Variants in SNX25 observed in about 807,000 individuals in gnomAD.
SNX25 encodes the protein sorting nexin-25.
SNX25 carries 62 observed loss-of-function variants against 113.7 expected under a neutral mutation model. That is an observed-to-expected ratio of 0.55 (90% CI 0.44 to 0.67). The LOEUF (loss-of-function observed/expected upper bound fraction) is 0.67, where lower values mean the gene tolerates loss of function less well. Ranked by LOEUF, SNX25 falls within the 30% of genes least tolerant of loss-of-function variation. The pLI, the probability that SNX25 is intolerant of heterozygous loss-of-function variation, is 0.00. For missense variants in SNX25, 1,014 were observed against 1,161.0 expected (o/e 0.87, Z 1.84); for synonymous variants, 421 against 436.2 (o/e 0.97, Z 0.43).
chr4:185,220,656 A>G (rs575352723), intron 1 of SNX25, among the ~76,000 whole-genome samples: 22 of 151,760 alleles, frequency 1.4e-4, no homozygotes, highest in South Asian at 8.3e-4. Context: ...AAATTTTTGT[A>G]TTTTTAGTAG....
chr4:185,355,641 T>C (rs2095335532), intron 15 of SNX25, among the ~76,000 whole-genome samples: 1 of 152,252 alleles, frequency 6.6e-6, no homozygotes, highest in African/African-American at 2.4e-5. Context: ...TGATGGAATA[T>C]CATCCACATA....
chr4:185,363,417 T>G lies in SNX25; in HGVS notation c.2967T>G (p.Cys989Trp). 2 of 1,614,186 alleles carry G rather than the reference T, an allele frequency of 1.2e-6. No individual in the cohort carries two copies. The highest frequency in any genetic ancestry group is 1.7e-6 in the Non-Finnish European group (2 of 1,180,022). ...ALMELLLIEL[C>W]PELRVHLDQL... ...TGGAACTGCTGCTAATTGAACTGTG[T>G]CCTGAGCTGAGAGTTCATTTAGATC... The change falls in exon 19 of 19, where the codon TGT (cysteine) becomes TGG (tryptophan). Residue 989 changes from cysteine to tryptophan, a missense_variant. Cys to Trp is a radical substitution (Grantham distance 215, BLOSUM62 -2). Coordinates refer to ENST00000652585, the MANE Select transcript of SNX25 (RefSeq NM_001378034.2). This position sits in a 1 kb window ranked among gnomAD's most constrained non-coding sequence, Gnocchi z 4.2.
chr4:185,218,739 A>G (rs182960426), intron 1 of SNX25, among the ~76,000 whole-genome samples: 4 of 152,358 alleles, frequency 2.6e-5, no homozygotes, highest in Non-Finnish European at 5.9e-5. Flanking sequence ...ACTAGGATCT[A>G]TTCAATAGAC....
intron 13 of SNX25, among the ~76,000 whole-genome samples, chr4:185,347,080 A>T (rs542675856): frequency 6.6e-6 from 1 of 152,224 alleles, no homozygotes; most frequent in African/African-American, 2.4e-5. Context: ...GGACTCATCC[A>T]TCCTGTCATC....
At chr4:185,328,202 CT>C (rs746908875) in intron 9 of SNX25, among the ~76,000 whole-genome samples, 3 of 151,906 alleles carry the variant, frequency 2.0e-5, no homozygotes, top group Non-Finnish European at 4.4e-5. Context: ...GATTATTGGC[CT>C]TTGGGTGAGG....
chr4:185,312,936 A>G (rs747798538), intron 7 of SNX25, among the ~76,000 whole-genome samples: 4 of 152,218 alleles, frequency 2.6e-5, no homozygotes, highest in Non-Finnish European at 5.9e-5. Context: ...GGCTAAGATA[A>G]GACAGAATTC....
Position 185,258,939 on chromosome 4 carries a change from C to T in SNX25, c.606C>T (p.Asp202=), listed in dbSNP as rs1560942829. ...EGQLYHLLLE[D]FWEIARQLHH... The stretch of plus-strand genomic sequence containing the variant: ...AACTTTACCATCTGCTCTTGGAAGA[C>T]TTTTGGGAAATTGCCAGACAGCTGC... Residue 202 remains aspartate, a synonymous_variant, in exon 3 of 19, where the codon GAC becomes GAT. Coordinates refer to ENST00000652585, the MANE Select transcript of SNX25 (RefSeq NM_001378034.2). The T allele has an allele frequency of 4.3e-6, 7 of 1,614,050 alleles. No individual in the cohort carries two copies. The highest frequency in any genetic ancestry group is 5.9e-6 in the Non-Finnish European group (7 of 1,180,030).
At chr4:185,277,998 C>T (rs183756298) in intron 5 of SNX25, among the ~76,000 whole-genome samples, 2,153 of 46,504 alleles carry the variant, frequency 0.046, 644 homozygotes, top group Non-Finnish European at 0.08. Flanking sequence ...TCCCAAAGTG[C>T]TGGGATTACA....
chr4:185,216,232 C>A (rs1290743334), intron 1 of SNX25, among the ~76,000 whole-genome samples: 1 of 152,024 alleles, frequency 6.6e-6, no homozygotes, highest in African/African-American at 2.4e-5. Flanking sequence ...TCTGTTTATT[C>A]CAGATATATT....
At chr4:185,320,651 A>G (rs1340327625) in intron 7 of SNX25, 82 bp from the exon 8 acceptor site, 7 of 1,053,674 alleles carry the variant, frequency 6.6e-6, no homozygotes, top group East Asian at 2.7e-5. Flanking sequence ...CCCTAAATGT[A>G]GAAATCAGTC....
chr4:185,360,930 A>AAT (rs3047488), intron 16 of SNX25, among the ~76,000 whole-genome samples: 3,737 of 139,524 alleles, frequency 0.027, 89 homozygotes, highest in African/African-American at 0.06. Flanking sequence ...AAAAAAAAAT[A>AAT]ATATATATAT....
At chr4:185,319,095 T>TA (rs2095098315) in intron 7 of SNX25, among the ~76,000 whole-genome samples, 2 of 123,712 alleles carry the variant, frequency 1.6e-5, no homozygotes, top group Middle Eastern at 3.8e-3. Context: ...TATTTTATTT[T>TA]TTTTATTTTT....
rs1223759332 is a variant in SNX25 at position 185,254,182 on chromosome 4, C to A, written c.515-4666C>A. On this transcript the variant is annotated intron_variant, in intron 2 of 18. Transcript: ENST00000652585. ...TTCATGCTTTTCTCCCAGTGACATG[C>A]AATATGTATACTTTTTTTTTTGTTG... Among the ~76,000 whole-genome samples, 3 of 152,174 alleles carry A rather than the reference C, an allele frequency of 2.0e-5. No individual in the cohort carries two copies. In the East Asian group the frequency reaches 5.8e-4, roughly 29 times the overall value.
intron 2 of SNX25, 125 bp downstream of exon 2, chr4:185,247,503 A>G (rs1238805781): frequency 2.7e-6 from 2 of 749,542 alleles, no homozygotes; most frequent in East Asian, 2.5e-5. Context: ...TTTTTTCTTC[A>G]TGAGTTTGTA....
downstream of SNX25, chr4:185,374,110 A>G: frequency 6.4e-7 from 1 of 1,558,248 alleles, no homozygotes; most frequent in Non-Finnish European, 8.8e-7. Context: ...ATATAACACT[A>G]GCATTAAAAA....
In SNX25 at chr4:185,232,922, T is replaced by C. The variant is rs1210458398; in HGVS notation, c.430-14372T>C. ...TGCCAGAATAGGAAGAATATTAGAA[T>C]TCCTAAGCCCAGCCTTCCATGGTGG... On this transcript the variant is annotated intron_variant, in intron 1 of 18. Coordinates refer to ENST00000652585, the MANE Select transcript of SNX25 (RefSeq NM_001378034.2). The surrounding 1 kb of genome is among the most constrained non-coding windows in gnomAD (Gnocchi z 4.4). Among the ~76,000 whole-genome samples, 1 of 152,192 alleles carries C rather than the reference T, an allele frequency of 6.6e-6. No individual in the cohort carries two copies. Among genetic ancestry groups the C allele is most frequent in the Non-Finnish European group, 1.5e-5 (1 of 68,034 alleles).
chr4:185,249,141 T>G (rs1745278301), intron 2 of SNX25, among the ~76,000 whole-genome samples: 1 of 152,208 alleles, frequency 6.6e-6, no homozygotes, highest in South Asian at 2.1e-4. Flanking sequence ...TGGACATATG[T>G]TTTTCTCTTG....
At chr4:185,359,118 T>G (rs1249351014) in intron 16 of SNX25, among the ~76,000 whole-genome samples, 3 of 152,198 alleles carry the variant, frequency 2.0e-5, no homozygotes, top group Non-Finnish European at 4.4e-5. Flanking sequence ...TTTGGAAGGC[T>G]GAGACGGGCA....
chr4:185,213,001 G>GCA (rs1411347409), intron 1 of SNX25, among the ~76,000 whole-genome samples: 1 of 152,176 alleles, frequency 6.6e-6, no homozygotes, highest in East Asian at 1.9e-4. Flanking sequence ...GGAAAAAAAT[G>GCA]CATACACTGT....
Sources: gnomAD v4.1 joint callset for allele counts (sites outside exome capture counted in the v4.1 genomes callset) on GRCh38, gnomAD v4.1.1 for gene constraint, Gnocchi (gnomAD v3.1) non-coding constraint, MANE v1.5 for transcripts, NCBI Gene and HGNC (gene_info 2026-07-23, HGNC 2026-07-21) for gene names.